Variants in LYAR observed in about 807,000 individuals in gnomAD.
The protein encoded by LYAR is Ly1 antibody reactive.
In LYAR, 37 loss-of-function variants were observed where a neutral mutation model predicts 45.2. The observed-to-expected ratio is 0.82, with a 90% CI of 0.63 to 1.08. The LOEUF is 1.08. Among genes scored for constraint, LYAR ranks in the 50% least tolerant of loss-of-function variants. The pLI, the probability that LYAR is intolerant of heterozygous loss-of-function variation, is 0.00. For missense variants in LYAR, 493 were observed against 451.0 expected, an observed-to-expected ratio of 1.09 and a Z score of -0.84; for synonymous variants, 176 against 155.1, an observed-to-expected ratio of 1.14 and a Z score of -1.00.
At chr4:4,289,326 C>A (rs1719760180) in intron 1 of LYAR, among the ~76,000 whole-genome samples, 1 of 152,196 alleles carries the variant, frequency 6.6e-6, no homozygotes, top group Non-Finnish European at 1.5e-5. Context: ...AGGCACTATG[C>A]TAGACCCTGG....
chr4:4,286,627 T>C (rs890304010), intron 1 of LYAR, 55 bp from the exon 2 acceptor site: 2 of 147,574 alleles, frequency 1.4e-5, no homozygotes, highest in East Asian at 2.0e-4. Flanking sequence ...TAGATAAGCA[T>C]GAAGGAAATT....
intron 8 of LYAR, among the ~76,000 whole-genome samples, chr4:4,270,853 T>A (rs988169651): frequency 6.6e-6 from 1 of 152,196 alleles, no homozygotes; most frequent in African/African-American, 2.4e-5. Context: ...GTACAGAGAC[T>A]CCTGAAACAG....
chr4:4,275,561 C>A (rs573876614), intron 6 of LYAR, among the ~76,000 whole-genome samples: 14 of 151,978 alleles, frequency 9.2e-5, no homozygotes, highest in African/African-American at 3.4e-4. Context: ...ACGCCTGCCT[C>A]AGACTCCCAA....
At chr4:4,286,646 C>CTTTTTTTTTTTTTTT (rs11364697) in intron 1 of LYAR, 74 bp from the exon 2 acceptor site, 1 of 128,596 alleles carries the variant, frequency 7.8e-6, no homozygotes. Context: ...TTTAATTAAA[C>CTTTTTTTTTTTTTTT]TTTTTTTTTT....
chr4:4,284,331 G>A (rs1719522463), intron 2 of LYAR, among the ~76,000 whole-genome samples: 1 of 152,198 alleles, frequency 6.6e-6, no homozygotes, highest in South Asian at 2.1e-4. Flanking sequence ...CACAGCAAGA[G>A]GAAAACTGAG....
At chr4:4,285,104 G>A (rs1719554671) in intron 2 of LYAR, among the ~76,000 whole-genome samples, 1 of 152,180 alleles carries the variant, frequency 6.6e-6, no homozygotes, top group South Asian at 2.1e-4. Flanking sequence ...GTCTCTTGTG[G>A]AGGCCTCTTG....
In LYAR at chr4:4,267,747, A is replaced by G. The variant is rs559650799; in HGVS notation, c.*142T>C. 129 of 554,654 alleles carry G rather than the reference A, an allele frequency of 2.3e-4. No individual in the cohort carries two copies. The highest frequency in any genetic ancestry group is 3.4e-4 in the Non-Finnish European group (123 of 356,830). The allele number at this position is 554,654 out of a possible 1,614,324, so 34.4% of individuals were successfully genotyped here. Reference sequence around the variant, plus strand: ...ATATTTTATTTTTCTCATAAAAGTTATACCAAAAATATATTTTCTTAACTT... The same window carrying G: ...ATATTTTATTTTTCTCATAAAAGTTGTACCAAAAATATATTTTCTTAACTT... On this transcript the variant is annotated 3_prime_UTR_variant, in exon 10 of 10. Coordinates refer to ENST00000343470, the MANE Select transcript of LYAR (RefSeq NM_017816.3).
intron 6 of LYAR, among the ~76,000 whole-genome samples, chr4:4,276,114 A>G (rs1009964635): frequency 2.0e-5 from 3 of 152,292 alleles, no homozygotes; most frequent in Non-Finnish European, 4.4e-5. Flanking sequence ...GATGACCTGG[A>G]GCAATTCATT....
At chr4:4,276,557 A>AAG (rs1719186348) in intron 6 of LYAR, among the ~76,000 whole-genome samples, 1 of 149,348 alleles carries the variant, frequency 6.7e-6, no homozygotes, top group African/African-American at 2.5e-5. Context: ...AAAAAAAAAA[A>AAG]AGAAAACGGA....
Position 4,274,480 on chromosome 4 carries a change from T to C in LYAR, c.719A>G (p.Glu240Gly). The C allele has an allele frequency of 6.2e-7, 1 of 1,614,186 alleles. No individual in the cohort carries two copies. The highest frequency in any genetic ancestry group is 8.5e-7 in the Non-Finnish European group (1 of 1,180,020). ...CCTCTTCCCTGCAGAGCCATTGGCC[T>C]CAGGGACTTCCTCCCCACCAGCCTC... Reference protein sequence around the residue: ...DLEAGGEEVPEANGSAGKRSK... With the variant: ...DLEAGGEEVPGANGSAGKRSK... Residue 240 changes from glutamate (E) to glycine (G), a missense_variant, in exon 7 of 10, where the codon GAG (glutamate) becomes GGG (glycine). Physicochemically the swap from Glu to Gly is moderately conservative, Grantham distance 98. Coordinates refer to ENST00000343470, the MANE Select transcript of LYAR (RefSeq NM_017816.3).
At chr4:4,274,336 A>G in intron 7 of LYAR, 31 bp downstream of exon 7, 1 of 1,583,394 alleles carries the variant, frequency 6.3e-7, no homozygotes, top group South Asian at 1.1e-5. Context: ...CGGTTTTCAG[A>G]TGAATCCCAG....
intron 1 of LYAR, among the ~76,000 whole-genome samples, chr4:4,287,697 C>T (rs1339766956): frequency 6.6e-6 from 1 of 152,178 alleles, no homozygotes; most frequent in Non-Finnish European, 1.5e-5. Flanking sequence ...CCCAGGCTCC[C>T]ACCCTGCCTC....
At chr4:4,270,161 C>T (rs1718875909) in intron 8 of LYAR, among the ~76,000 whole-genome samples, 1 of 151,040 alleles carries the variant, frequency 6.6e-6, no homozygotes, top group Admixed American at 6.6e-5. Flanking sequence ...CATGATCACA[C>T]CAATGCACTC....
rs1464242867 is a variant in LYAR at position 4,274,487 on chromosome 4, C to T, written c.712G>A (p.Val238Ile). ...EADLEAGGEE[V>I]PEANGSAGKR... ...CCTGCAGAGCCATTGGCCTCAGGGA[C>T]TTCCTCCCCACCAGCCTCAAGGTCA... Residue 238 changes from valine to isoleucine, a missense_variant, in exon 7 of 10, where the codon GTC becomes ATC. Physicochemically the swap from Val to Ile is conservative, Grantham distance 29. Transcript: ENST00000343470. The T allele has an allele frequency of 1.2e-6, 2 of 1,614,232 alleles. No homozygotes were observed. The highest frequency in any genetic ancestry group is 1.7e-6 in the Non-Finnish European group (2 of 1,180,044).
At chr4:4,282,024 C>G in intron 3 of LYAR, 127 bp from the exon 4 acceptor site, 1 of 614,308 alleles carries the variant, frequency 1.6e-6, no homozygotes, top group Non-Finnish European at 2.9e-6. Flanking sequence ...ACACAAGCAC[C>G]CCATCTATTT....
chr4:4,268,484 A>T (rs376109449), intron 9 of LYAR, 46 bp downstream of exon 9: 1 of 1,194,382 alleles, frequency 8.4e-7, no homozygotes, highest in African/African-American at 1.5e-5. Context: ...TTTAGAAATA[A>T]GTTCTCCCCA....
At chr4:4,281,208 C>T (rs1352785316) in intron 4 of LYAR, among the ~76,000 whole-genome samples, 1 of 151,836 alleles carries the variant, frequency 6.6e-6, no homozygotes, top group East Asian at 1.9e-4. Flanking sequence ...AGTTTTACAG[C>T]CAAGGGAAAG....
rs770357183 is a variant in LYAR at position 4,274,376 on chromosome 4, G to A, written c.823C>T (p.His275Tyr). The A allele has an allele frequency of 8.1e-6, 13 of 1,609,192 alleles. No homozygotes were observed. The South Asian group carries it at 1.3e-4, about 16-fold the overall frequency. ...TGAGCTAGCCACTTACCTTCCGAGT[G>A]CCTCCGCTTCCTCTTCCCTGCGCCC... is the stretch of plus-strand genomic sequence containing the variant. ...RVGAGKRKRR[H>Y]SEVETDSKKK... The change falls in exon 7 of 10, where the codon CAC becomes TAC. Residue 275 changes from histidine to tyrosine, a missense_variant. Physicochemically the swap from His to Tyr is moderately conservative, Grantham distance 83. Transcript: ENST00000343470.
intron 6 of LYAR, among the ~76,000 whole-genome samples, chr4:4,276,210 G>T (rs958633666): frequency 8.5e-5 from 13 of 152,142 alleles, no homozygotes; most frequent in South Asian, 2.1e-4. Flanking sequence ...CTGAGCTGAT[G>T]CACCTGCAGG....
Sources: allele counts gnomAD v4.1 joint callset (sites outside exome capture counted in the v4.1 genomes callset), GRCh38; gene constraint gnomAD v4.1.1; transcripts MANE v1.5; gene names NCBI Gene and HGNC (gene_info 2026-07-23, HGNC 2026-07-21).